The following USH2A variants were observed in gnomAD, a reference collection of about 807,000 sequenced individuals.
USH2A encodes the protein usherin.
In USH2A, 443 loss-of-function variants were observed where a neutral mutation model predicts 538.9. That is an observed-to-expected ratio of 0.82 (90% CI 0.76 to 0.89). The LOEUF (loss-of-function observed/expected upper bound fraction) is 0.89, where lower values mean the gene tolerates loss of function less well. Among genes scored for constraint, USH2A ranks in the 40% least tolerant of loss-of-function variants. The probability of loss-of-function intolerance (pLI) is 0.00; values close to 1 mark genes in which losing one functional copy is unlikely to be tolerated. For missense variants in USH2A, 6,633 were observed against 6,324.8 expected, an observed-to-expected ratio of 1.05 and a Z score of -1.65; for synonymous variants, 2,413 against 2,273.5, an observed-to-expected ratio of 1.06 and a Z score of -1.75.
intron 40 of USH2A, among the ~76,000 whole-genome samples, chr1:215,899,401 A>C (rs1051727555): frequency 2.0e-5 from 3 of 152,036 alleles, no homozygotes; most frequent in Non-Finnish European, 4.4e-5. Context: ...TTCTTTAAAA[A>C]CCCCTCTACT....
chr1:215,808,936 A>T (rs1662579148), intron 49 of USH2A, among the ~76,000 whole-genome samples: 1 of 152,058 alleles, frequency 6.6e-6, no homozygotes, highest in Non-Finnish European at 1.5e-5. Context: ...ATCAAGACAT[A>T]CTCAGGATTT....
chr1:216,267,051 G>A (rs1004399930), intron 11 of USH2A, among the ~76,000 whole-genome samples: 3 of 152,000 alleles, frequency 2.0e-5, no homozygotes, highest in African/African-American at 7.2e-5. Flanking sequence ...CCAAGGGCGT[G>A]AGCGTAGATA....
At chr1:215,851,008 T>C (rs1014282347) in intron 44 of USH2A, among the ~76,000 whole-genome samples, 2 of 152,076 alleles carry the variant, frequency 1.3e-5, no homozygotes, top group Non-Finnish European at 1.5e-5. Flanking sequence ...ATAATAGTGA[T>C]ACAACCTATC....
intron 58 of USH2A, among the ~76,000 whole-genome samples, chr1:215,757,298 T>G (rs1660841818): frequency 6.6e-6 from 1 of 152,246 alleles, no homozygotes; most frequent in African/African-American, 2.4e-5. Context: ...CTTTTTCTCT[T>G]TGATCTTAGA....
chr1:215,844,066 A>G (rs1436413659), intron 46 of USH2A, among the ~76,000 whole-genome samples: 1 of 152,146 alleles, frequency 6.6e-6, no homozygotes, highest in Non-Finnish European at 1.5e-5. Flanking sequence ...TTTCATCACC[A>G]TCCTCATCAC....
At chr1:215,783,020 G>A in intron 52 of USH2A, 85 bp from the exon 53 acceptor site, 2 of 1,307,004 alleles carry the variant, frequency 1.5e-6, no homozygotes, top group South Asian at 1.4e-5. Context: ...AAAAACTTTA[G>A]ACATTTAAAA....
chr1:215,715,413 G>A (rs1571979664), intron 61 of USH2A, among the ~76,000 whole-genome samples: 1 of 152,146 alleles, frequency 6.6e-6, no homozygotes, highest in East Asian at 1.9e-4. Flanking sequence ...TCCTCACCTT[G>A]TCTGCTTCAT....
chr1:216,023,459 C>CAAAAAAAAAAAA, intron 32 of USH2A, among the ~76,000 whole-genome samples: 1,150 of 46,584 alleles, frequency 0.025, 48 homozygotes, highest in Non-Finnish European at 0.033. Context: ...TCAAAGCAGA[C>CAAAAAAAAAAAA]AAAAAAAAAA....
intron 43 of USH2A, 138 bp from the exon 44 acceptor site, chr1:215,867,308 G>A: frequency 1.1e-6 from 1 of 951,228 alleles, no homozygotes; most frequent in Non-Finnish European, 1.5e-6. Context: ...TTCCTCCCTA[G>A]AAAATACATT....
chr1:216,125,479 G>A (rs978038621), intron 21 of USH2A, among the ~76,000 whole-genome samples: 1 of 152,102 alleles, frequency 6.6e-6, no homozygotes, highest in African/African-American at 2.4e-5. Flanking sequence ...ACTCTAAAGA[G>A]CAAAATGAAG....
chr1:215,703,182 G>A (rs1329933908), intron 61 of USH2A, among the ~76,000 whole-genome samples: 1 of 152,176 alleles, frequency 6.6e-6, no homozygotes, highest in Admixed American at 6.5e-5. Context: ...CCTTCCTCTG[G>A]AAGCTTTGTC....
At chr1:215,743,641 A>T (rs1174804249) in intron 58 of USH2A, among the ~76,000 whole-genome samples, 1 of 151,278 alleles carries the variant, frequency 6.6e-6, no homozygotes, top group Non-Finnish European at 1.5e-5. Flanking sequence ...ATCCTGGCCA[A>T]CATGGTGAAA....
intron 34 of USH2A, among the ~76,000 whole-genome samples, chr1:215,994,977 A>AT (rs1190765569): frequency 3.9e-5 from 6 of 151,926 alleles, no homozygotes; most frequent in South Asian, 2.1e-4. Context: ...CATTTTTCAG[A>AT]TTTTTTTTCC....
intron 14 of USH2A, among the ~76,000 whole-genome samples, chr1:216,217,808 ATTATATT>A (rs1043475737): frequency 1.2e-4 from 19 of 152,242 alleles, no homozygotes; most frequent in African/African-American, 4.6e-4. Flanking sequence ...AAAAAAAGAT[ATTATATT>A]GCTTTTTTAC....
chr1:215,953,511 A>G (rs1666983709), intron 37 of USH2A, among the ~76,000 whole-genome samples: 1 of 152,190 alleles, frequency 6.6e-6, no homozygotes, highest in African/African-American at 2.4e-5. Context: ...GGCTAGCCAT[A>G]TGTAGAAGCT....
chr1:215,640,441 A>T (rs980622307), intron 68 of USH2A, 117 bp downstream of exon 68: 17 of 1,360,866 alleles, frequency 1.2e-5, no homozygotes, highest in Admixed American at 3.8e-5. Context: ...AGAAGGGGGC[A>T]CTTAAACCAA....
rs1335122166 is a variant in USH2A, at chr1:215,661,761, AC to A, written c.14133+9210del. Among the ~76,000 whole-genome samples, 11 of 152,224 alleles carry A rather than the reference AC, an allele frequency of 7.2e-5. No homozygotes were observed. In the South Asian group the frequency reaches 2.1e-3, roughly 29 times the overall value. On this transcript the variant is annotated intron_variant, in intron 64 of 71. Transcript: ENST00000307340. ...CTCTGTGGAATGATTTTAGTCAAGT[AC>A]CTCTTTAATATCAAGGTGCCACCTG... is the stretch of plus-strand genomic sequence containing the variant.
At chr1:215,679,596 T>G (rs1477684279) in intron 62 of USH2A, among the ~76,000 whole-genome samples, 1 of 152,226 alleles carries the variant, frequency 6.6e-6, no homozygotes, top group Non-Finnish European at 1.5e-5. Flanking sequence ...CCTGTACTCA[T>G]GGGCTGGCAG....
chr1:216,242,402 T>C (rs1342380358), intron 13 of USH2A, among the ~76,000 whole-genome samples: 1 of 151,314 alleles, frequency 6.6e-6, no homozygotes, highest in Non-Finnish European at 1.5e-5. Flanking sequence ...GTATATATAA[T>C]TCCTTGTACA....
Sources: allele counts gnomAD v4.1 joint callset (sites outside exome capture counted in the v4.1 genomes callset), GRCh38; gene constraint gnomAD v4.1.1; transcripts MANE v1.5; gene names NCBI Gene and HGNC (gene_info 2026-07-23, HGNC 2026-07-21).